CEACAM7: variants seen among roughly 807,000 people sequenced by gnomAD.
CEACAM7 encodes CEA cell adhesion molecule 7.
CEACAM7 carries 24 observed loss-of-function variants against 25.7 expected under a neutral mutation model. That is an observed-to-expected ratio of 0.93 (90% CI 0.68 to 1.31). The LOEUF (loss-of-function observed/expected upper bound fraction) is 1.31. Among genes scored for constraint, CEACAM7 ranks in the 40% most tolerant of loss-of-function variants. The pLI is 0.00. For synonymous variants in CEACAM7, 144 were observed against 129.4 expected, an observed-to-expected ratio of 1.11 and a Z score of -0.77; for missense variants, 324 against 330.1, an observed-to-expected ratio of 0.98 and a Z score of 0.14.
intron 3 of CEACAM7, among the ~76,000 whole-genome samples, chr19:41,680,833 G>T (rs1555810611): frequency 1.3e-5 from 2 of 151,918 alleles, no homozygotes; most frequent in Admixed American, 6.6e-5. Flanking sequence ...GAAAACATAG[G>T]GGGAGAGCTT....
intron 2 of CEACAM7, among the ~76,000 whole-genome samples, chr19:41,685,989 C>T (rs781835690): frequency 2.6e-5 from 4 of 152,032 alleles, no homozygotes; most frequent in South Asian, 2.1e-4. Context: ...TGAGATAAAG[C>T]GTAAATGGTC....
At position 41,684,131 on chromosome 19, in the gene CEACAM7, A is replaced by G. The variant is rs782594197; in HGVS notation, c.428-68T>C. On this transcript the variant is annotated intron_variant, in intron 2 of 4. Coordinates refer to ENST00000401731, the MANE Select transcript of CEACAM7 (RefSeq NM_001291485.2). ...TTGGTTCCCCCACGGACATCTTTCAATCAGAGTTGGCATCTCCCACCTCTA... is the reference window on the plus strand; with the variant it reads ...TTGGTTCCCCCACGGACATCTTTCAGTCAGAGTTGGCATCTCCCACCTCTA... The G allele has an allele frequency of 2.6e-5, 41 of 1,562,064 alleles. No homozygotes were observed. The South Asian group carries it at 4.5e-4, about 17-fold the overall frequency.
intron 1 of CEACAM7, among the ~76,000 whole-genome samples, chr19:41,687,610 TGTCTGTCTTCTGCCGCATGA>T (rs2122735871): frequency 6.6e-6 from 1 of 152,364 alleles, no homozygotes; most frequent in East Asian, 1.9e-4. Context: ...TCTCTTTGCC[TGTCTGTCTTCTGCCGCATGA>T]GAGCGTGAGC....
chr19:41,681,451 T>C (rs1433172698), intron 3 of CEACAM7, among the ~76,000 whole-genome samples: 2 of 151,902 alleles, frequency 1.3e-5, no homozygotes, highest in African/African-American at 4.8e-5. Flanking sequence ...TAATGGAGAG[T>C]AGGGCTTTGA....
chr19:41,673,305 A>G lies in CEACAM7; in HGVS notation c.*1471T>C, dbSNP rs2072083657. ...AGACAAAATTATAACAAATTCAGTTATAGATACAATTGGCTTTTATTTGTG... is the reference window on the plus strand; with the variant it reads ...AGACAAAATTATAACAAATTCAGTTGTAGATACAATTGGCTTTTATTTGTG... On this transcript the variant is annotated 3_prime_UTR_variant, in exon 5 of 5. Transcript: ENST00000401731. The G allele has an allele frequency of 6.6e-6, 1 of 152,254 alleles. No individual in the cohort carries two copies. The highest frequency in any genetic ancestry group is 2.1e-4 in the South Asian group (1 of 4,834). 9.4% of individuals were successfully genotyped at this position (152,254 alleles called of 1,614,324 possible).
In CEACAM7 at chr19:41,674,674, G is replaced by A. The variant is rs1245832051; in HGVS notation, c.*102C>T. 2 of 289,474 alleles carry A rather than the reference G, an allele frequency of 6.9e-6. No homozygotes were observed. Among genetic ancestry groups the A allele is most frequent in the Non-Finnish European group, 1.4e-5 (2 of 145,666 alleles). The allele number at this position is 289,474 out of a possible 1,614,324, so 17.9% of individuals were successfully genotyped here. A position where few individuals can be genotyped will look rare whatever the true frequency, so the allele number is the denominator to read the frequency against. On this transcript the variant is annotated 3_prime_UTR_variant, in exon 5 of 5. Transcript: ENST00000401731. ...CTTATAGGTCTTCAGGAAGAGAGCA[G>A]GTCTTATACTTAGTGATGCCACAGG...
At chr19:41,678,392 T>C (rs1555810362) in intron 3 of CEACAM7, among the ~76,000 whole-genome samples, 1 of 152,168 alleles carries the variant, frequency 6.6e-6, no homozygotes, top group Non-Finnish European at 1.5e-5. Context: ...AATATATATA[T>C]GCACATGTAT....
At chr19:41,680,830 T>C (rs782645562) in intron 3 of CEACAM7, among the ~76,000 whole-genome samples, 2 of 151,592 alleles carry the variant, frequency 1.3e-5, no homozygotes, top group African/African-American at 2.4e-5. Flanking sequence ...GAAGAAAACA[T>C]AGGGGGAGAG....
intron 3 of CEACAM7, among the ~76,000 whole-genome samples, chr19:41,682,761 G>T (rs1200906057): frequency 4.6e-5 from 7 of 152,336 alleles, no homozygotes; most frequent in African/African-American, 1.4e-4. Flanking sequence ...ATGTTTCAAA[G>T]CTTCCTTCTT....
intron 2 of CEACAM7, among the ~76,000 whole-genome samples, chr19:41,684,310 T>C (rs1379378801): frequency 1.3e-5 from 2 of 152,200 alleles, no homozygotes; most frequent in Admixed American, 1.3e-4. Flanking sequence ...CGTTGGCCCA[T>C]GGACAGACCC....
At chr19:41,679,787 TTC>T (rs141768655) in intron 3 of CEACAM7, among the ~76,000 whole-genome samples, 28 of 115,504 alleles carry the variant, frequency 2.4e-4, no homozygotes, top group African/African-American at 7.0e-4. Context: ...CTCTGTCTCT[TTC>T]TCTCTCTCTC....
chr19:41,686,955 G>A lies in CEACAM7; in HGVS notation c.331C>T (p.Gln111Ter), dbSNP rs782200928. 3.7e-6 allele frequency: 6 copies of A among 1,608,612 alleles called. No individual in the cohort carries two copies. Among genetic ancestry groups the A allele is most frequent in the Non-Finnish European group, 5.1e-6 (6 of 1,177,708 alleles). ...TIYPNGTLLI[Q>*]NVTHNDAGIY... ...CCTGCGTCATTGTGGGTGACGTTCT[G>A]GATCAGCAGGGTTCCATTGGGGTAT... Residue 111 changes from glutamine (Q) to a stop codon, truncating the protein, a stop_gained, in exon 2 of 5, where the codon CAG becomes TAG. Transcript: ENST00000401731. LOFTEE classifies it high-confidence loss of function.
rs2072231941 is a variant in CEACAM7 at position 41,686,939 on chromosome 19, T to C, written c.347A>G (p.Asn116Ser). The change falls in exon 2 of 5, where the codon AAT (asparagine) becomes AGT (serine). Residue 116 changes from asparagine to serine, a missense_variant. Transcript: ENST00000401731. ...GTLLIQNVTHNDAGIYTLHVI... is the reference protein window; with the variant it reads ...GTLLIQNVTHSDAGIYTLHVI... ...GTGTAGGGTATAGATTCCTGCGTCA[T>C]TGTGGGTGACGTTCTGGATCAGCAG... 6.2e-7 allele frequency: 1 copy of C among 1,602,540 alleles called. No individual in the cohort carries two copies. Among genetic ancestry groups the C allele is most frequent in the South Asian group, 1.1e-5 (1 of 89,410 alleles).
chr19:41,682,656 A>G (rs1316222756), intron 3 of CEACAM7, among the ~76,000 whole-genome samples: 2 of 152,142 alleles, frequency 1.3e-5, no homozygotes, highest in African/African-American at 4.8e-5. Flanking sequence ...AGGGCCAGTC[A>G]CCAGGTGAGC....
chr19:41,679,338 G>C (rs567126475), intron 3 of CEACAM7, among the ~76,000 whole-genome samples: 1 of 152,078 alleles, frequency 6.6e-6, no homozygotes, highest in African/African-American at 2.4e-5. Context: ...AACTACTAGG[G>C]AGACTGAACC....
At chr19:41,683,474 T>C (rs1193748608) in intron 3 of CEACAM7, among the ~76,000 whole-genome samples, 1 of 152,202 alleles carries the variant, frequency 6.6e-6, no homozygotes, top group Non-Finnish European at 1.5e-5. Context: ...GCACTGTCCC[T>C]CTTACCCAAA....
rs533969716 is a variant in CEACAM7, at chr19:41,678,519, C to G, written c.707-1016G>C. On this transcript the variant is annotated intron_variant, in intron 3 of 4. Coordinates refer to ENST00000401731, the MANE Select transcript of CEACAM7 (RefSeq NM_001291485.2). ...GATTAATAATCACTAATATTAGCTA[C>G]TGTTGAGGGGTGCTTCCTATGTGTC... Among the ~76,000 whole-genome samples the G allele has an allele frequency of 7.9e-5, 12 of 152,264 alleles. No homozygotes were observed. The South Asian group carries it at 2.3e-3, about 29-fold the overall frequency.
chr19:41,683,401 G>A (rs2072194640), intron 3 of CEACAM7, among the ~76,000 whole-genome samples: 1 of 152,228 alleles, frequency 6.6e-6, no homozygotes, highest in Non-Finnish European at 1.5e-5. Flanking sequence ...CCGGAGCAAA[G>A]AGAATAAAGC....
chr19:41,686,195 A>G (rs905951427), intron 2 of CEACAM7, among the ~76,000 whole-genome samples: 1 of 152,110 alleles, frequency 6.6e-6, no homozygotes, highest in Non-Finnish European at 1.5e-5. Flanking sequence ...CCCCCTGAGG[A>G]CACTGACTCC....
Sources: gnomAD v4.1 joint callset for allele counts (sites outside exome capture counted in the v4.1 genomes callset) on GRCh38, gnomAD v4.1.1 for gene constraint, MANE v1.5 for transcripts, NCBI Gene and HGNC (gene_info 2026-07-23, HGNC 2026-07-21) for gene names.